The following PPAT variants were observed in gnomAD, a reference collection of about 807,000 sequenced individuals.
The protein encoded by PPAT is amidophosphoribosyltransferase.
PPAT carries 20 observed loss-of-function variants against 60.2 expected under a neutral mutation model. The observed-to-expected ratio is 0.33, with a 90% CI of 0.23 to 0.48. PPAT has a LOEUF of 0.48. PPAT is among the 20% of genes least tolerant of loss of function. PPAT has a pLI of 0.99. For missense variants in PPAT, 349 were observed against 629.6 expected, an observed-to-expected ratio of 0.55 and a Z score of 4.77; for synonymous variants, 194 against 215.1, an observed-to-expected ratio of 0.90 and a Z score of 0.86.
chr4:56,401,196 C>T, intron 7 of PPAT, 134 bp downstream of exon 7: 1 of 900,322 alleles, frequency 1.1e-6, no homozygotes, highest in Non-Finnish European at 1.6e-6. Flanking sequence ...GACTTGTGGG[C>T]TCAGTCCTAT....
At chr4:56,423,046 T>C (rs1717122392) in intron 1 of PPAT, 1 of 152,192 alleles carries the variant, frequency 6.6e-6, no homozygotes, top group Non-Finnish European at 1.5e-5. Context: ...GATTTTGTGC[T>C]TGCTACCTGA....
chr4:56,433,148 T>A (rs1717691517), intron 1 of PPAT, among the ~76,000 whole-genome samples: 1 of 151,978 alleles, frequency 6.6e-6, no homozygotes, highest in Non-Finnish European at 1.5e-5. Context: ...TCCCAAAGGA[T>A]GAGCACTTTA....
At chr4:56,402,617 G>A (rs1487468072) in intron 5 of PPAT, among the ~76,000 whole-genome samples, 3 of 152,074 alleles carry the variant, frequency 2.0e-5, no homozygotes, top group Non-Finnish European at 2.9e-5. Context: ...AGGAGTTTGA[G>A]ACCAGCCTGA....
intron 5 of PPAT, among the ~76,000 whole-genome samples, chr4:56,402,636 G>A (rs545309701): frequency 2.0e-5 from 3 of 152,058 alleles, no homozygotes; most frequent in Non-Finnish European, 2.9e-5. Context: ...GACCAACATG[G>A]AGAAACCCTG....
chr4:56,406,104 G>A (rs1716234000), intron 3 of PPAT, among the ~76,000 whole-genome samples: 1 of 152,206 alleles, frequency 6.6e-6, no homozygotes, highest in Admixed American at 6.5e-5. Context: ...TGACAGAAGT[G>A]TGCTGAGTCT....
intron 7 of PPAT, 51 bp from the exon 8 acceptor site, chr4:56,400,962 CAG>C: frequency 6.6e-7 from 1 of 1,523,602 alleles, no homozygotes; most frequent in East Asian, 2.3e-5. Flanking sequence ...CATGATATAA[CAG>C]TGTTATTCTA....
At chr4:56,400,118 T>C (rs1367309492) in intron 8 of PPAT, 1 of 152,318 alleles carries the variant, frequency 6.6e-6, no homozygotes, top group African/African-American at 2.4e-5. Context: ...AGTCTACTTA[T>C]AGGTGGGTTT....
chr4:56,411,251 G>GA (rs1316151600), intron 1 of PPAT, among the ~76,000 whole-genome samples: 2 of 152,122 alleles, frequency 1.3e-5, no homozygotes, highest in African/African-American at 2.4e-5. Context: ...TAAATAAGGG[G>GA]AAAAATATCA....
rs1209464921 is a variant in PPAT, at chr4:56,401,212, C to T, written c.886+118G>A. 7.1e-6 allele frequency: 7 copies of T among 988,576 alleles called. No homozygotes were observed. In the South Asian group the frequency reaches 7.2e-5, roughly 10 times the overall value. 61.2% of individuals were successfully genotyped at this position (988,576 alleles called of 1,614,324 possible). ...ACTTGTGGGCTCAGTCCTATATCCA[C>T]AACATATAACTATATGCCTTCAAAG... On this transcript the variant is annotated intron_variant, in intron 7 of 10. Coordinates refer to ENST00000264220, the MANE Select transcript of PPAT (RefSeq NM_002703.5).
chr4:56,432,365 T>C (rs1717631260), intron 1 of PPAT, among the ~76,000 whole-genome samples: 1 of 151,828 alleles, frequency 6.6e-6, no homozygotes, highest in Admixed American at 6.6e-5. Flanking sequence ...CCGTCTCTGC[T>C]AAAAATACAA....
intron 1 of PPAT, chr4:56,410,408 A>T: frequency 2.1e-6 from 1 of 471,452 alleles, no homozygotes; most frequent in Non-Finnish European, 2.8e-6. Context: ...GAACCAGTTA[A>T]ACTACATCCT....
Position 56,400,609 on chromosome 4 carries a change from A to T in PPAT, c.1014+175T>A, listed in dbSNP as rs1158714759. ...GAACCTTTTAGTGGTTTTCACTAAA[A>T]TAGTGCCATTGGATAAAAAGCCTGG... On this transcript the variant is annotated intron_variant, in intron 8 of 10. Coordinates refer to ENST00000264220, the MANE Select transcript of PPAT (RefSeq NM_002703.5). The T allele has an allele frequency of 7.7e-6, 5 of 650,490 alleles. No homozygotes were observed. In the Admixed American group the frequency reaches 1.5e-4, roughly 19 times the overall value. The allele number at this position is 650,490 out of a possible 1,614,324, so 40.3% of individuals were successfully genotyped here.
At chr4:56,422,317 G>C (rs1295920291) in intron 1 of PPAT, 1 of 151,828 alleles carries the variant, frequency 6.6e-6, no homozygotes, top group African/African-American at 2.4e-5. Flanking sequence ...CGATCCTGAA[G>C]TAAATTTAAA....
rs373657410 is a variant in PPAT at position 56,396,566 on chromosome 4, G to C, written c.1357+53C>G. ...TTACTAAAGGTGTAAAGACTGTCAA[G>C]CTTTGGATTTTCTCTGTTAATAATC... On this transcript the variant is annotated intron_variant, in intron 10 of 10. Coordinates refer to ENST00000264220, the MANE Select transcript of PPAT (RefSeq NM_002703.5). This position sits in a 1 kb window ranked among gnomAD's most constrained non-coding sequence, Gnocchi z 4.6. 2.9e-4 allele frequency: 440 copies of C among 1,520,824 alleles called. 2 individuals carry two copies. The African/African-American group carries it at 5.7e-3, about 20-fold the overall frequency. 94.2% of individuals were successfully genotyped at this position (1,520,824 alleles called of 1,614,324 possible). A position where few individuals can be genotyped will look rare whatever the true frequency, so the allele number is the denominator to read the frequency against.
intron 5 of PPAT, among the ~76,000 whole-genome samples, 184 bp downstream of exon 5, chr4:56,402,856 G>GT (rs202085954): frequency 8.1e-5 from 11 of 136,328 alleles, no homozygotes; most frequent in Middle Eastern, 4.0e-3. Context: ...AAAGGGGGGG[G>GT]ACTCATCCTC....
chr4:56,402,122 A>G lies in PPAT; in HGVS notation c.721T>C (p.Ser241Pro). 6.2e-7 allele frequency: 1 copy of G among 1,600,652 alleles called. No homozygotes were observed. The highest frequency in any genetic ancestry group is 1.7e-4 in the Middle Eastern group (1 of 6,022). The change falls in exon 6 of 11, where the codon TCT (serine) becomes CCT (proline). Residue 241 changes from serine to proline, a missense_variant. Coordinates refer to ENST00000264220, the MANE Select transcript of PPAT (RefSeq NM_002703.5). ...VVSSESCSFLSIGARYYREVL... is the reference protein window; with the variant it reads ...VVSSESCSFLPIGARYYREVL... ...GGTAAAACTTACCTTGCACCAATAGATAAGAAGCTACAAGATTCTGAAGAC... is the reference window on the plus strand; with the variant it reads ...GGTAAAACTTACCTTGCACCAATAGGTAAGAAGCTACAAGATTCTGAAGAC...
At chr4:56,433,098 C>T (rs1383327662) in intron 1 of PPAT, among the ~76,000 whole-genome samples, 5 of 151,550 alleles carry the variant, frequency 3.3e-5, no homozygotes, top group Non-Finnish European at 1.5e-5. Context: ...ATTTCCAAGA[C>T]ATAAGGGAGT....
At chr4:56,410,019 A>G (rs1297097851) in intron 1 of PPAT, among the ~76,000 whole-genome samples, 2 of 152,192 alleles carry the variant, frequency 1.3e-5, no homozygotes, top group Non-Finnish European at 2.9e-5. Context: ...AATACTATAT[A>G]CCATATGGGA....
At chr4:56,425,453 A>G in intron 1 of PPAT, 1 of 887,762 alleles carries the variant, frequency 1.1e-6, no homozygotes, top group Non-Finnish European at 1.3e-6. Context: ...AAGCTCAGAC[A>G]TAGGTATGCT....
Sources: gnomAD v4.1 joint callset for allele counts (sites outside exome capture counted in the v4.1 genomes callset) on GRCh38, gnomAD v4.1.1 for gene constraint, Gnocchi (gnomAD v3.1) non-coding constraint, MANE v1.5 for transcripts, NCBI Gene and HGNC (gene_info 2026-07-23, HGNC 2026-07-21) for gene names.